Variants in SATL1 observed in about 807,000 individuals in gnomAD.
SATL1 encodes spermidine/spermine N(1)-acetyltransferase-like protein 1.
A neutral mutation model predicts 51.8 loss-of-function variants in SATL1; 47 were observed. The ratio of observed to expected loss-of-function variants is 0.91; its 90% CI spans 0.72 to 1.16. The LOEUF is 1.16. Ranked by LOEUF, SATL1 falls within the 50% of genes most tolerant of loss-of-function variation. SATL1 has a pLI of 0.00. For synonymous variants in SATL1, 176 were observed against 182.4 expected (o/e 0.97, Z 0.28); for missense variants, 520 against 526.4 (o/e 0.99, Z 0.12).
Position 85,108,206 on chromosome X carries a change from C to T in SATL1, c.763G>A (p.Asp255Asn). Residue 255 changes from aspartate to asparagine, a missense_variant, in exon 3 of 8, where the codon GAT (aspartate) becomes AAT (asparagine). Physicochemically the swap from Asp to Asn is conservative, Grantham distance 23 (BLOSUM62 1). Around this residue, in one of 3 missense-constraint regions of SATL1, gnomAD observed 488 missense variants for 474.3 expected, o/e 1.03. Coordinates refer to ENST00000644105, the MANE Select transcript of SATL1 (RefSeq NM_001367857.2). Reference protein sequence around the residue: ...QPDANQSSLSDSNQTGIIQPS... With the variant: ...QPDANQSSLSNSNQTGIIQPS... ...TGGATTATACCTGTTTGGTTGGAAT[C>T]TGATAAACTTGATTGGTTTGCGTCT... is the stretch of plus-strand genomic sequence containing the variant. 1.7e-6 allele frequency: 2 copies of T among 1,211,796 alleles called. No homozygotes were observed. The highest frequency in any genetic ancestry group is 2.2e-6 in the Non-Finnish European group (2 of 895,577).
chrX:85,155,203 A>T (rs938523570), intron 2 of SATL1, among the ~76,000 whole-genome samples: 2 of 111,789 alleles, frequency 1.8e-5, no homozygotes, highest in African/African-American at 6.5e-5. Context: ...GGAGAATTCC[A>T]TATCACCATT....
intron 2 of SATL1, among the ~76,000 whole-genome samples, chrX:85,223,882 AGGG>A (rs1449078271): frequency 9.0e-6 from 1 of 111,295 alleles, no homozygotes; most frequent in Non-Finnish European, 1.9e-5. Context: ...GTAATGGACT[AGGG>A]GAGCAGGGAA....
At chrX:85,131,550 G>A (rs1240514042) in intron 2 of SATL1, among the ~76,000 whole-genome samples, 6 of 110,095 alleles carry the variant, frequency 5.4e-5, no homozygotes, top group Admixed American at 1.9e-4. Context: ...GTCTCTGCAC[G>A]TGAGATGGGT....
At chrX:85,163,574 C>G (rs971272232) in intron 2 of SATL1, among the ~76,000 whole-genome samples, 1 of 111,100 alleles carries the variant, frequency 9.0e-6, no homozygotes, top group Non-Finnish European at 1.9e-5. Flanking sequence ...TATAGTTTCG[C>G]GGGTTTCTTT....
intron 2 of SATL1, among the ~76,000 whole-genome samples, chrX:85,202,875 G>A (rs765883454): frequency 8.9e-6 from 1 of 111,812 alleles, no homozygotes; most frequent in South Asian, 3.7e-4. Flanking sequence ...AGGGTGGCAA[G>A]GGCAGTTCCA....
At chrX:85,126,449 A>C (rs2147703745) in intron 2 of SATL1, among the ~76,000 whole-genome samples, 1 of 111,400 alleles carries the variant, frequency 9.0e-6, no homozygotes, top group African/African-American at 3.3e-5. Context: ...GGAGAGGTTA[A>C]AGTAAGTTGC....
intron 2 of SATL1, among the ~76,000 whole-genome samples, chrX:85,218,276 T>TA (rs1400524814): frequency 1.8e-5 from 2 of 110,811 alleles, no homozygotes; most frequent in East Asian, 5.7e-4. Flanking sequence ...AAATAAAACT[T>TA]AAAAAAATAA....
chrX:85,092,358 G>A lies in SATL1; in HGVS notation c.*33C>T. 1 of 1,144,173 alleles carries A rather than the reference G, an allele frequency of 8.7e-7. No homozygotes were observed. Among genetic ancestry groups the A allele is most frequent in the Non-Finnish European group, 1.2e-6 (1 of 861,829 alleles). The allele number at this position is 1,144,173 out of a possible 1,213,427, so 94.3% of individuals were successfully genotyped here. On this transcript the variant is annotated 3_prime_UTR_variant, in exon 8 of 8. Transcript: ENST00000644105. ...CTCAGGTGACAGTCAAATGTTGGAG[G>A]CTGTGTTGGGATGAGTTGTTACAAA...
intron 4 of SATL1, among the ~76,000 whole-genome samples, chrX:85,100,111 C>T (rs1242566115): frequency 1.8e-5 from 2 of 111,936 alleles, no homozygotes; most frequent in African/African-American, 6.5e-5. Context: ...GAGGCAGAGG[C>T]AGGAGAATTG....
chrX:85,135,254 G>C (rs67593672), intron 2 of SATL1, among the ~76,000 whole-genome samples: 11,122 of 110,251 alleles, frequency 0.1, 482 homozygotes, highest in South Asian at 0.21. Flanking sequence ...GGGTTGATCT[G>C]TGAAGCAAAC....
At chrX:85,203,094 G>C (rs1046186384) in intron 2 of SATL1, among the ~76,000 whole-genome samples, 2 of 111,445 alleles carry the variant, frequency 1.8e-5, no homozygotes, top group Admixed American at 1.9e-4. Flanking sequence ...CTTGGGGCCT[G>C]TTCCAGTCCC....
intron 2 of SATL1, chrX:85,209,261 C>T (rs1363100142): frequency 8.9e-6 from 1 of 111,872 alleles, no homozygotes; most frequent in African/African-American, 3.3e-5. Flanking sequence ...CAGTACCATG[C>T]TGTTTTGGTT....
chrX:85,137,456 C>G (rs1270938067), intron 2 of SATL1, among the ~76,000 whole-genome samples: 1 of 110,809 alleles, frequency 9.0e-6, no homozygotes, highest in Non-Finnish European at 1.9e-5. Context: ...ACCCCAAATC[C>G]AGCCACTTTT....
chrX:85,137,753 TTTTC>T (rs1856000743), intron 2 of SATL1, among the ~76,000 whole-genome samples: 1 of 111,719 alleles, frequency 9.0e-6, no homozygotes, highest in African/African-American at 3.2e-5. Context: ...TCTTCTGTTC[TTTTC>T]TTTCTTTCTT....
chrX:85,204,205 C>T (rs1927744262), intron 2 of SATL1, among the ~76,000 whole-genome samples: 1 of 111,860 alleles, frequency 8.9e-6, no homozygotes, highest in Middle Eastern at 4.6e-3. Context: ...GGAGGATCCC[C>T]TGGCTCCCTG....
At chrX:85,158,145 G>GTT (rs113486056) in intron 2 of SATL1, among the ~76,000 whole-genome samples, 110 of 104,938 alleles carry the variant, frequency 1.0e-3, no homozygotes, top group African/African-American at 3.5e-3. Context: ...ATTCATCACT[G>GTT]TTTTTTTTTT....
intron 1 of SATL1, among the ~76,000 whole-genome samples, chrX:85,238,331 T>C (rs1368429005): frequency 3.6e-5 from 4 of 111,256 alleles, no homozygotes; most frequent in Non-Finnish European, 5.7e-5. Flanking sequence ...AACAAATGAA[T>C]AGATAAAGAA....
At chrX:85,166,937 G>GTA (rs1255777426) in intron 2 of SATL1, among the ~76,000 whole-genome samples, 1 of 80,980 alleles carries the variant, frequency 1.2e-5, no homozygotes, top group African/African-American at 5.9e-5. Flanking sequence ...ATATATATAT[G>GTA]TGTATGTGTG....
rs188890786 is a variant in SATL1, at chrX:85,129,157, A to G, written c.-312-19877T>C. On this transcript the variant is annotated intron_variant, in intron 2 of 7. Coordinates refer to ENST00000644105, the MANE Select transcript of SATL1 (RefSeq NM_001367857.2). ...TCTTTTTTGGTTCTACATGAACTTT[A>G]AAGTAGTTTTTTCCAATTCTGTGAA... Among the ~76,000 whole-genome samples the G allele has an allele frequency of 3.9e-3, 438 of 111,773 alleles. 4 individuals are homozygous for G. The highest frequency in any genetic ancestry group is 0.013 in the South Asian group (35 of 2,648).
Sources: allele counts gnomAD v4.1 joint callset (sites outside exome capture counted in the v4.1 genomes callset), GRCh38; gene constraint gnomAD v4.1.1; regional missense constraint gnomAD v4.1.1; transcripts MANE v1.5; gene names NCBI Gene and HGNC (gene_info 2026-07-23, HGNC 2026-07-21).